ST3GAL3: variants seen among roughly 807,000 people sequenced by gnomAD.
ST3GAL3 encodes the protein CMP-N-acetylneuraminate-beta-1,4-galactoside alpha-2,3-sialyltransferase.
Under a neutral mutation model 50.1 loss-of-function variants are expected in ST3GAL3, and 21 were observed. The ratio of observed to expected loss-of-function variants is 0.42; its 90% CI spans 0.30 to 0.60. The LOEUF is 0.60. Ranked by LOEUF, ST3GAL3 falls within the 20% of genes least tolerant of loss-of-function variation. The probability of loss-of-function intolerance (pLI) is 0.19; values close to 1 mark genes in which losing one functional copy is unlikely to be tolerated. For synonymous variants in ST3GAL3, 183 were observed against 190.0 expected (o/e 0.96, Z 0.30); for missense variants, 353 against 489.4 (o/e 0.72, Z 2.63).
Position 43,898,476 on chromosome 1 carries a change from A to G in ST3GAL3, c.461+178A>G, listed in dbSNP as rs114651765. On this transcript the variant is annotated intron_variant, in intron 7 of 11. Coordinates refer to ENST00000347631, the MANE Select transcript of ST3GAL3 (RefSeq NM_006279.5). ...AGTGGAACCACTCCACCTGACTTGC[A>G]CCCCCACGGGCTGTCAGCACTTGGC... is the stretch of plus-strand genomic sequence containing the variant. 4.5e-3 allele frequency: 3,120 copies of G among 689,562 alleles called. 64 individuals are homozygous for G. In the African/African-American group the frequency reaches 0.049, roughly 11 times the overall value. The allele number at this position is 689,562 out of a possible 1,614,324, so 42.7% of individuals were successfully genotyped here. A position where few individuals can be genotyped will look rare whatever the true frequency, so the allele number is the denominator to read the frequency against.
intron 4 of ST3GAL3, among the ~76,000 whole-genome samples, chr1:43,830,054 C>A (rs2063341911): frequency 8.5e-6 from 1 of 118,012 alleles, no homozygotes; most frequent in South Asian, 3.0e-4. Context: ...GTCGCCCAGG[C>A]TGGAGTTCAG....
At chr1:43,785,520 C>T (rs1280219686) in intron 2 of ST3GAL3, among the ~76,000 whole-genome samples, 1 of 152,174 alleles carries the variant, frequency 6.6e-6, no homozygotes, top group Non-Finnish European at 1.5e-5. Flanking sequence ...ACCTCAAGGC[C>T]TCATGGAAAG....
chr1:43,848,261 C>G (rs908817710), intron 5 of ST3GAL3, among the ~76,000 whole-genome samples: 6 of 144,126 alleles, frequency 4.2e-5, no homozygotes, highest in African/African-American at 1.5e-4. Flanking sequence ...TGGTTTCCAG[C>G]AATTTTATTA....
chr1:43,745,681 T>G (rs1683332209), intron 2 of ST3GAL3, among the ~76,000 whole-genome samples: 1 of 152,222 alleles, frequency 6.6e-6, no homozygotes, highest in Non-Finnish European at 1.5e-5. Flanking sequence ...CAGGCCAGAG[T>G]GCAGTGGCAT....
rs186056699 is a variant in ST3GAL3, at chr1:43,744,487, C to T, written c.118+8107C>T. ...AACTCCTGACCTCAGGTGATCTGCCCGCCTCGGCCTTCCAAAGTGCTGGGA... is the reference window on the plus strand; with the variant it reads ...AACTCCTGACCTCAGGTGATCTGCCTGCCTCGGCCTTCCAAAGTGCTGGGA... On this transcript the variant is annotated intron_variant, in intron 2 of 11. Coordinates refer to ENST00000347631, the MANE Select transcript of ST3GAL3 (RefSeq NM_006279.5). Among the ~76,000 whole-genome samples, 1,418 of 151,618 alleles carry T rather than the reference C, an allele frequency of 9.4e-3. 12 individuals carry two copies. The highest frequency in any genetic ancestry group is 0.015 in the Admixed American group (224 of 15,210).
chr1:43,802,705 A>G (rs1334259882), intron 3 of ST3GAL3, among the ~76,000 whole-genome samples: 30 of 152,186 alleles, frequency 2.0e-4, no homozygotes, highest in Admixed American at 2.0e-3. Flanking sequence ...CATAATTTTT[A>G]CTTGAAAGTA....
intron 9 of ST3GAL3, among the ~76,000 whole-genome samples, chr1:43,908,081 T>C (rs1285226913): frequency 6.6e-6 from 1 of 152,192 alleles, no homozygotes; most frequent in Non-Finnish European, 1.5e-5. Flanking sequence ...AGCGCTGGGT[T>C]CTAGGGATAG....
intron 5 of ST3GAL3, among the ~76,000 whole-genome samples, chr1:43,863,031 A>G (rs1393222831): frequency 6.6e-6 from 1 of 152,182 alleles, no homozygotes; most frequent in Non-Finnish European, 1.5e-5. Context: ...ATAACTGGAT[A>G]TTGCATATCT....
chr1:43,749,977 A>C (rs60175028), intron 2 of ST3GAL3, among the ~76,000 whole-genome samples: 1,873 of 152,250 alleles, frequency 0.012, 41 homozygotes, highest in African/African-American at 0.043. Context: ...TAATGTTTTG[A>C]TCTTTGACTT....
chr1:43,786,875 C>A (rs3791050), intron 2 of ST3GAL3, among the ~76,000 whole-genome samples: 14,943 of 152,150 alleles, frequency 0.098, 962 homozygotes, highest in Admixed American at 0.2. Context: ...AGGTTGTGAG[C>A]TACTTGAGGG....
chr1:43,729,288 C>T (rs1019721178), intron 1 of ST3GAL3, among the ~76,000 whole-genome samples: 71 of 151,982 alleles, frequency 4.7e-4, no homozygotes, highest in Admixed American at 1.6e-3. Context: ...CTATATTGCC[C>T]AGGCTGGTCT....
At chr1:43,792,802 T>G (rs1019087030) in intron 3 of ST3GAL3, among the ~76,000 whole-genome samples, 2 of 152,210 alleles carry the variant, frequency 1.3e-5, no homozygotes, top group Non-Finnish European at 2.9e-5. Flanking sequence ...CTGTTCCACA[T>G]CACTGTGCCT....
chr1:43,888,336 T>G (rs1031560931), intron 5 of ST3GAL3, among the ~76,000 whole-genome samples: 1 of 151,642 alleles, frequency 6.6e-6, no homozygotes, highest in Non-Finnish European at 1.5e-5. Flanking sequence ...AAATTTGACT[T>G]AAAACAACAA....
At chr1:43,774,612 A>G (rs1266840380) in intron 2 of ST3GAL3, among the ~76,000 whole-genome samples, 1 of 152,230 alleles carries the variant, frequency 6.6e-6, no homozygotes, top group Admixed American at 6.5e-5. Context: ...AAGCATCTCC[A>G]GGGCTGTAGA....
At chr1:43,862,097 C>T (rs997724135) in intron 5 of ST3GAL3, among the ~76,000 whole-genome samples, 1 of 151,986 alleles carries the variant, frequency 6.6e-6, no homozygotes, top group Admixed American at 6.6e-5. Context: ...CGTTGTCTGG[C>T]ATCAAGCACA....
At chr1:43,925,273 G>C (rs983197388) in intron 11 of ST3GAL3, among the ~76,000 whole-genome samples, 1 of 112,848 alleles carries the variant, frequency 8.9e-6, no homozygotes, top group Non-Finnish European at 1.8e-5. Flanking sequence ...CTCTAGCCTG[G>C]GTGACAGAAC....
intron 5 of ST3GAL3, among the ~76,000 whole-genome samples, chr1:43,862,979 C>T (rs888939745): frequency 1.3e-5 from 2 of 152,136 alleles, no homozygotes; most frequent in African/African-American, 4.8e-5. Context: ...ATTATTCTTC[C>T]TTCAAAACAT....
chr1:43,913,547 C>T (rs1042260118), intron 9 of ST3GAL3: 3 of 147,868 alleles, frequency 2.0e-5, no homozygotes, highest in Admixed American at 6.7e-5. Flanking sequence ...GGAGTTACAG[C>T]TTTTTTTTTT....
At chr1:43,758,588 A>G (rs1433798469) in intron 2 of ST3GAL3, among the ~76,000 whole-genome samples, 2 of 152,212 alleles carry the variant, frequency 1.3e-5, no homozygotes, top group Admixed American at 1.3e-4. Context: ...CAGCATTAAG[A>G]TTTAAAGTAT....
Sources: gnomAD v4.1 joint callset for allele counts (sites outside exome capture counted in the v4.1 genomes callset) on GRCh38, gnomAD v4.1.1 for gene constraint, MANE v1.5 for transcripts, NCBI Gene and HGNC (gene_info 2026-07-23, HGNC 2026-07-21) for gene names.